Variants in NTRK2 observed in about 807,000 individuals in gnomAD.
NTRK2 encodes neurotrophic receptor tyrosine kinase 2.
NTRK2 carries 13 observed loss-of-function variants against 94.5 expected under a neutral mutation model. That is an observed-to-expected ratio of 0.14 (90% confidence interval 0.09 to 0.22). The LOEUF (loss-of-function observed/expected upper bound fraction) is 0.22. Ranked by LOEUF, NTRK2 falls within the 10% of genes least tolerant of loss-of-function variation. NTRK2 has a pLI of 1.00. For missense variants in NTRK2, 639 were observed against 1,071.2 expected, an observed-to-expected ratio of 0.60 and a Z score of 5.63; for synonymous variants, 372 against 407.4, an observed-to-expected ratio of 0.91 and a Z score of 1.05.
chr9:84,748,819 G>A (rs1430832062), intron 11 of NTRK2, among the ~76,000 whole-genome samples: 1 of 152,132 alleles, frequency 6.6e-6, no homozygotes, highest in Non-Finnish European at 1.5e-5. Context: ...TAGAAATAAA[G>A]ATTTTTAAAA....
chr9:84,997,711 C>T (rs1829911587), intron 17 of NTRK2, among the ~76,000 whole-genome samples: 1 of 152,102 alleles, frequency 6.6e-6, no homozygotes, highest in Admixed American at 6.5e-5. Context: ...CACAGCAGAG[C>T]AAATTTGGAA....
chr9:84,766,584 G>T (rs574361992), intron 12 of NTRK2, among the ~76,000 whole-genome samples: 1 of 151,960 alleles, frequency 6.6e-6, no homozygotes, highest in Non-Finnish European at 1.5e-5. Flanking sequence ...TCATACAAGA[G>T]TATGGAGGAA....
chr9:84,815,841 G>C (rs1036279016), intron 12 of NTRK2: 8 of 707,270 alleles, frequency 1.1e-5, no homozygotes, highest in Non-Finnish European at 1.4e-5. Context: ...GTCACGGAGA[G>C]TTTCAGGGGA....
intron 12 of NTRK2, among the ~76,000 whole-genome samples, chr9:84,834,370 T>C (rs1377217191): frequency 6.6e-6 from 1 of 152,224 alleles, no homozygotes; most frequent in Non-Finnish European, 1.5e-5. Flanking sequence ...TGTCTGATTC[T>C]ACAGTTAATA....
At chr9:84,908,456 TAAAAC>T (rs974463038) in intron 14 of NTRK2, among the ~76,000 whole-genome samples, 4 of 152,094 alleles carry the variant, frequency 2.6e-5, no homozygotes, top group African/African-American at 4.8e-5. Context: ...TAGTTAAAAA[TAAAAC>T]AAAACAAAGA....
chr9:84,831,572 C>T (rs1413700212), intron 12 of NTRK2, among the ~76,000 whole-genome samples: 4 of 152,172 alleles, frequency 2.6e-5, no homozygotes, highest in Non-Finnish European at 4.4e-5. Flanking sequence ...CTGTAATCCT[C>T]ACAACATTCC....
intron 17 of NTRK2, among the ~76,000 whole-genome samples, chr9:84,980,034 C>A (rs7043619): frequency 0.46 from 69,738 of 152,074 alleles, 16,715 homozygotes; most frequent in Middle Eastern, 0.55. Context: ...AATTGTGTGA[C>A]CCCATTTATT....
chr9:84,946,119 C>T (rs759842169), intron 15 of NTRK2, among the ~76,000 whole-genome samples: 1 of 152,198 alleles, frequency 6.6e-6, no homozygotes, highest in Admixed American at 6.5e-5. Flanking sequence ...GCAGTCAGTA[C>T]ATATCTGACA....
intron 12 of NTRK2, among the ~76,000 whole-genome samples, chr9:84,758,369 C>A (rs969935820): frequency 6.6e-6 from 1 of 151,586 alleles, no homozygotes; most frequent in South Asian, 2.1e-4. Context: ...AAACTTAGCC[C>A]TTTAGTCTTT....
At chr9:84,920,475 C>T (rs963572211) in intron 14 of NTRK2, among the ~76,000 whole-genome samples, 1 of 152,078 alleles carries the variant, frequency 6.6e-6, no homozygotes, top group African/African-American at 2.4e-5. Flanking sequence ...TCCAGTTGTC[C>T]CTCCTTTGTG....
chr9:84,875,474 A>T, intron 14 of NTRK2: 2 of 1,063,032 alleles, frequency 1.9e-6, no homozygotes, highest in Non-Finnish European at 2.3e-6. Context: ...ATCACTCCAG[A>T]TAACTCCAAA....
intron 9 of NTRK2, among the ~76,000 whole-genome samples, chr9:84,736,308 C>T (rs192721681): frequency 1.3e-4 from 20 of 152,286 alleles, no homozygotes; most frequent in East Asian, 3.9e-4. Flanking sequence ...ATGCGAAATG[C>T]GCGTCAGGAA....
At chr9:84,800,661 T>C (rs1385368588) in intron 12 of NTRK2, among the ~76,000 whole-genome samples, 1 of 152,224 alleles carries the variant, frequency 6.6e-6, no homozygotes, top group Non-Finnish European at 1.5e-5. Context: ...AGACCCTTTC[T>C]ACCATGGGTG....
chr9:84,908,717 G>T (rs1392977390), intron 14 of NTRK2, among the ~76,000 whole-genome samples: 1 of 152,164 alleles, frequency 6.6e-6, no homozygotes, highest in African/African-American at 2.4e-5. Flanking sequence ...GCTCACTTAT[G>T]ATGCAGGTGG....
intron 2 of NTRK2, among the ~76,000 whole-genome samples, chr9:84,691,867 C>T (rs1188533661): frequency 1.3e-5 from 2 of 152,146 alleles, no homozygotes. Context: ...TGCCTCCAAC[C>T]CTGAGAGAGA....
chr9:84,681,707 G>A (rs914967742), intron 2 of NTRK2, among the ~76,000 whole-genome samples: 14 of 152,140 alleles, frequency 9.2e-5, no homozygotes, highest in African/African-American at 3.4e-4. Context: ...CTGCCCATAC[G>A]CCACACTGTA....
At position 84,944,215 on chromosome 9, in the gene NTRK2, T is replaced by TCTCTCA. The variant is rs1440338055; in HGVS notation, c.1765-4246_1765-4245insTCTCAC. On this transcript the variant is annotated intron_variant, in intron 15 of 18. Coordinates refer to ENST00000277120, the MANE Select transcript of NTRK2 (RefSeq NM_006180.6). Reference sequence around the variant, plus strand: ...TGTTCTCTCTCTCTCTCTCTCTCTCTCACACACACACACACACACACACAC... The same window carrying TCTCTCA: ...TGTTCTCTCTCTCTCTCTCTCTCTCTCTCTCACACACACACACACACACACACACAC... Among the ~76,000 whole-genome samples the TCTCTCA allele has an allele frequency of 3.3e-3, 401 of 120,300 alleles. 2 individuals are homozygous for TCTCTCA. The highest frequency in any genetic ancestry group is 4.6e-3 in the Non-Finnish European group (274 of 59,764). The allele number at this position is 120,300 out of a possible 152,430, so 78.9% of individuals were successfully genotyped here.
chr9:84,878,158 G>C (rs569560742), intron 14 of NTRK2, among the ~76,000 whole-genome samples: 1 of 152,254 alleles, frequency 6.6e-6, no homozygotes, highest in South Asian at 2.1e-4. Context: ...AGAAGTGTCA[G>C]TACTCAAGAT....
chr9:84,991,676 G>A (rs528804700), intron 17 of NTRK2, among the ~76,000 whole-genome samples: 2 of 152,184 alleles, frequency 1.3e-5, no homozygotes, highest in African/African-American at 4.8e-5. Context: ...CCTCCGCCTG[G>A]AGCTGAGCTG....
Sources: allele counts gnomAD v4.1 joint callset (sites outside exome capture counted in the v4.1 genomes callset), GRCh38; gene constraint gnomAD v4.1.1; transcripts MANE v1.5; gene names NCBI Gene and HGNC (gene_info 2026-07-23, HGNC 2026-07-21).